PTPRG: variants seen among roughly 807,000 people sequenced by gnomAD.
PTPRG encodes receptor-type tyrosine-protein phosphatase gamma.
A neutral mutation model predicts 165.3 loss-of-function variants in PTPRG; 102 were observed. The ratio of observed to expected loss-of-function variants is 0.62; its 90% CI spans 0.53 to 0.73. The LOEUF is 0.73. Among genes scored for constraint, PTPRG ranks in the 30% least tolerant of loss-of-function variants. The probability of loss-of-function intolerance (pLI) is 0.00; values close to 1 mark genes in which losing one functional copy is unlikely to be tolerated. For synonymous variants in PTPRG, 675 were observed against 669.5 expected, an observed-to-expected ratio of 1.01 and a Z score of -0.13; for missense variants, 1,866 against 1,861.4, an observed-to-expected ratio of 1.00 and a Z score of -0.05.
At chr3:61,664,420 C>T (rs1019900799) in intron 1 of PTPRG, among the ~76,000 whole-genome samples, 21 of 152,216 alleles carry the variant, frequency 1.4e-4, no homozygotes, top group African/African-American at 3.4e-4. Context: ...TTATTTCTTT[C>T]TGTCACTAAG....
intron 1 of PTPRG, among the ~76,000 whole-genome samples, chr3:61,614,634 A>ACTC (rs1701257724): frequency 6.6e-6 from 1 of 150,422 alleles, no homozygotes; most frequent in Non-Finnish European, 1.5e-5. Flanking sequence ...CTGGTCTTGA[A>ACTC]CTCCTGGATT....
chr3:61,765,011 T>C (rs2033970281), intron 2 of PTPRG, among the ~76,000 whole-genome samples: 1 of 152,198 alleles, frequency 6.6e-6, no homozygotes, highest in South Asian at 2.1e-4. Flanking sequence ...AGTGCCAAGA[T>C]TGACGAACCC....
intron 1 of PTPRG, among the ~76,000 whole-genome samples, chr3:61,605,343 C>A (rs1370445132): frequency 6.6e-6 from 1 of 152,018 alleles, no homozygotes; most frequent in Non-Finnish European, 1.5e-5. Flanking sequence ...GCAACCTCTG[C>A]CTCCCAGGTT....
intron 7 of PTPRG, among the ~76,000 whole-genome samples, 164 bp from the exon 8 acceptor site, chr3:62,167,807 C>G (rs575694364): frequency 6.6e-6 from 1 of 152,320 alleles, no homozygotes; most frequent in Admixed American, 6.5e-5. Flanking sequence ...TTCCAGCAGG[C>G]AGCCTCAGGT....
intron 4 of PTPRG, among the ~76,000 whole-genome samples, chr3:62,047,865 C>A (rs892992583): frequency 3.3e-5 from 5 of 152,102 alleles, no homozygotes; most frequent in African/African-American, 9.7e-5. Flanking sequence ...CTTTTAAAAA[C>A]AGATTTCAGG....
Position 62,273,521 on chromosome 3 carries a change from G to A in PTPRG, c.3319-177G>A, listed in dbSNP as rs542302989. 2.1e-4 allele frequency among the ~76,000 whole-genome samples: 32 copies of A among 152,250 alleles called. No individual in the cohort carries two copies. Among genetic ancestry groups the A allele is most frequent in the African/African-American group, 7.2e-4 (30 of 41,566 alleles). ...AGCTAAACTTAACACAGTCTCTACCGTAAAATAAGTTAAGACTGATAAAGT... is the reference window on the plus strand; with the variant it reads ...AGCTAAACTTAACACAGTCTCTACCATAAAATAAGTTAAGACTGATAAAGT... On this transcript the variant is annotated intron_variant, in intron 22 of 29. Coordinates refer to ENST00000474889, the MANE Select transcript of PTPRG (RefSeq NM_002841.4). This position sits in a 1 kb window ranked among gnomAD's most constrained non-coding sequence, Gnocchi z 4.1.
intron 2 of PTPRG, among the ~76,000 whole-genome samples, chr3:61,976,862 A>G (rs2040520097): frequency 6.6e-6 from 1 of 151,948 alleles, no homozygotes; most frequent in Non-Finnish European, 1.5e-5. Flanking sequence ...TTTTATATAG[A>G]TAGGGTTTCA....
chr3:62,164,215 G>C (rs1404702792), intron 7 of PTPRG, among the ~76,000 whole-genome samples: 1 of 152,110 alleles, frequency 6.6e-6, no homozygotes, highest in Non-Finnish European at 1.5e-5. Flanking sequence ...GTGGGCTTAT[G>C]GCACCTTTTG....
At chr3:61,984,366 T>A (rs1197277701) in intron 2 of PTPRG, among the ~76,000 whole-genome samples, 1 of 152,172 alleles carries the variant, frequency 6.6e-6, no homozygotes, top group Non-Finnish European at 1.5e-5. Flanking sequence ...ATTATTTTCT[T>A]TACCGTAGTC....
chr3:61,655,565 T>C (rs751573763), intron 1 of PTPRG, among the ~76,000 whole-genome samples: 1 of 152,130 alleles, frequency 6.6e-6, no homozygotes, highest in Non-Finnish European at 1.5e-5. Context: ...TCAAGTTACT[T>C]GTACTAATGG....
intron 1 of PTPRG, among the ~76,000 whole-genome samples, chr3:61,595,087 G>A (rs771084580): frequency 1.1e-4 from 16 of 151,436 alleles, no homozygotes; most frequent in Non-Finnish European, 1.8e-4. Context: ...GACGGTCTAC[G>A]TTCTTTGGTT....
intron 3 of PTPRG, among the ~76,000 whole-genome samples, chr3:61,995,603 TG>T (rs1424302946): frequency 6.6e-6 from 1 of 151,548 alleles, no homozygotes; most frequent in African/African-American, 2.4e-5. Context: ...TGTGTGGGTA[TG>T]GGGGTGTGTA....
In PTPRG at chr3:61,748,797, C is replaced by T. The variant is rs964201820; in HGVS notation, c.86-81C>T. 6.3e-6 allele frequency: 7 copies of T among 1,119,918 alleles called. No individual in the cohort carries two copies. The African/African-American group carries it at 1.1e-4, about 17-fold the overall frequency. 69.4% of individuals were successfully genotyped at this position (1,119,918 alleles called of 1,614,324 possible). On this transcript the variant is annotated intron_variant, in intron 1 of 29. Coordinates refer to ENST00000474889, the MANE Select transcript of PTPRG (RefSeq NM_002841.4). ...CAAGGACTATGATTCTACGAAGTCA[C>T]CCAATGGTGTTCATTTGACACCCTT...
At position 61,562,321 on chromosome 3, in the gene PTPRG, T is replaced by C; in HGVS notation, c.34T>C (p.Leu12=). The change falls in exon 1 of 30, where the codon TTG becomes CTG. Residue 12 remains leucine, a synonymous_variant. Transcript: ENST00000474889. ...GTTACTGGAACCGTGTTGGTGGATT[T>C]TGTTCCTGAAAATCACCAGTTCCGT... The part of the protein sequence containing the change: ...RRLLEPCWWI[L]FLKITSSVLH... 6.2e-7 allele frequency: 1 copy of C among 1,613,704 alleles called. No homozygotes were observed. Among genetic ancestry groups the C allele is most frequent in the Non-Finnish European group, 8.5e-7 (1 of 1,179,684 alleles).
At chr3:62,000,011 C>A (rs150303219) in intron 3 of PTPRG, among the ~76,000 whole-genome samples, 9 of 152,122 alleles carry the variant, frequency 5.9e-5, no homozygotes, top group South Asian at 4.1e-4. Flanking sequence ...ATCTCCCCCC[C>A]AGGCCCGGGC....
At chr3:62,072,385 A>G (rs1055278165) in intron 4 of PTPRG, among the ~76,000 whole-genome samples, 1 of 152,152 alleles carries the variant, frequency 6.6e-6, no homozygotes, top group African/African-American at 2.4e-5. Context: ...ATGATACTCT[A>G]TGTTATCCAT....
At chr3:61,935,842 C>A (rs1033790721) in intron 2 of PTPRG, among the ~76,000 whole-genome samples, 1 of 151,666 alleles carries the variant, frequency 6.6e-6, no homozygotes, top group Non-Finnish European at 1.5e-5. Flanking sequence ...TTGTTCTGAG[C>A]ACTTCATATA....
At chr3:61,631,025 C>A (rs1044240831) in intron 1 of PTPRG, among the ~76,000 whole-genome samples, 1 of 151,238 alleles carries the variant, frequency 6.6e-6, no homozygotes, top group African/African-American at 2.4e-5. Context: ...GACTGCACTC[C>A]AGCCTGGGTG....
intron 5 of PTPRG, among the ~76,000 whole-genome samples, chr3:62,098,801 T>A (rs1702197375): frequency 6.6e-6 from 1 of 152,114 alleles, no homozygotes; most frequent in African/African-American, 2.4e-5. Flanking sequence ...GCTAGCAGAG[T>A]CTGGTATCTT....
Sources: gnomAD v4.1 joint callset for allele counts (sites outside exome capture counted in the v4.1 genomes callset) on GRCh38, gnomAD v4.1.1 for gene constraint, Gnocchi (gnomAD v3.1) non-coding constraint, MANE v1.5 for transcripts, NCBI Gene and HGNC (gene_info 2026-07-23, HGNC 2026-07-21) for gene names.